ZMYM2: variants seen among roughly 807,000 people sequenced by gnomAD.
ZMYM2 encodes zinc finger MYM-type protein 2.
Under a neutral mutation model 162.8 loss-of-function variants are expected in ZMYM2, and 56 were observed. That is an observed-to-expected ratio of 0.34 (90% CI 0.28 to 0.43). The LOEUF (loss-of-function observed/expected upper bound fraction) is 0.43, where lower values mean the gene tolerates loss of function less well. Among genes scored for constraint, ZMYM2 ranks in the 20% least tolerant of loss-of-function variants. The pLI, the probability that ZMYM2 is intolerant of heterozygous loss-of-function variation, is 1.00. For synonymous variants in ZMYM2, 510 were observed against 541.6 expected (o/e 0.94, Z 0.81); for missense variants, 1,275 against 1,621.8 (o/e 0.79, Z 3.67).
chr13:20,061,783 T>A (rs1956254346), intron 17 of ZMYM2, among the ~76,000 whole-genome samples: 1 of 152,114 alleles, frequency 6.6e-6, no homozygotes, highest in Non-Finnish European at 1.5e-5. Flanking sequence ...GAGACAGGGC[T>A]TCCCTATGTT....
At chr13:20,035,265 T>G (rs1382443711) in intron 11 of ZMYM2, among the ~76,000 whole-genome samples, 1 of 152,226 alleles carries the variant, frequency 6.6e-6, no homozygotes, top group Non-Finnish European at 1.5e-5. Context: ...TAAAAAGATT[T>G]ATCAGTTCGT....
At chr13:19,960,216 C>T (rs1955046464) in intron 2 of ZMYM2, among the ~76,000 whole-genome samples, 190 bp downstream of exon 2, 1 of 152,200 alleles carries the variant, frequency 6.6e-6, no homozygotes, top group Admixed American at 6.5e-5. Flanking sequence ...GTTTCCACCG[C>T]TGCAGACATC....
chr13:19,962,812 C>T (rs1194430668), intron 2 of ZMYM2, among the ~76,000 whole-genome samples: 1 of 145,252 alleles, frequency 6.9e-6, no homozygotes, highest in African/African-American at 2.5e-5. Flanking sequence ...GCGTAAGCCA[C>T]CTTGCCCAGC....
At chr13:20,011,603 G>A (rs1179499837) in intron 6 of ZMYM2, among the ~76,000 whole-genome samples, 18 of 145,216 alleles carry the variant, frequency 1.2e-4, no homozygotes, top group Admixed American at 4.8e-4. Flanking sequence ...GAGGGGTGAA[G>A]GAGTCTTGCT....
Position 19,993,694 on chromosome 13 carries a change from C to A in ZMYM2, c.622C>A (p.Arg208=). ...TGGCCAATTAGAAAATACTGACGGG[C>A]GAGATATGAACTTAATGATTACACA... ...NDGQLENTDG[R]DMNLMITHVT... Residue 208 remains arginine (R), a synonymous_variant, in exon 3 of 25, where the codon CGA becomes AGA. Coordinates refer to ENST00000610343, the MANE Select transcript of ZMYM2 (RefSeq NM_197968.4). 1 of 1,613,850 alleles carries A rather than the reference C, an allele frequency of 6.2e-7. No individual in the cohort carries two copies. The highest frequency in any genetic ancestry group is 8.5e-7 in the Non-Finnish European group (1 of 1,179,840).
intron 2 of ZMYM2, among the ~76,000 whole-genome samples, chr13:19,991,154 C>G (rs2139697697): frequency 6.6e-6 from 1 of 151,066 alleles, no homozygotes; most frequent in East Asian, 2.0e-4. Context: ...TGCTCTGTTG[C>G]CCAGGCTGGA....
the ZMYM2 span, among the ~76,000 whole-genome samples, chr13:19,926,569 G>T: frequency 0.017 from 2,642 of 151,776 alleles, 24 homozygotes; most frequent in South Asian, 0.052. Flanking sequence ...TCTCCATGTC[G>T]GCCAGGCTGG....
intron 2 of ZMYM2, among the ~76,000 whole-genome samples, chr13:19,976,842 C>T (rs961296272): frequency 3.9e-5 from 6 of 152,146 alleles, no homozygotes; most frequent in Admixed American, 1.3e-4. Flanking sequence ...TCCGTTTGGT[C>T]GTTCTATCCA....
chr13:19,950,799 CTTA>C, the ZMYM2 span, among the ~76,000 whole-genome samples: 1 of 152,134 alleles, frequency 6.6e-6, no homozygotes, highest in African/African-American at 2.4e-5. Context: ...GTCCTTTCAG[CTTA>C]TTATTTTATA....
intron 3 of ZMYM2, among the ~76,000 whole-genome samples, chr13:19,994,207 A>C (rs990350556): frequency 3.3e-5 from 5 of 152,224 alleles, no homozygotes; most frequent in African/African-American, 1.2e-4. Context: ...TTGGCCGGGC[A>C]CGGCGGCTCA....
At chr13:19,888,846 G>T in the ZMYM2 span, among the ~76,000 whole-genome samples, 2 of 151,734 alleles carry the variant, frequency 1.3e-5, no homozygotes, top group Admixed American at 6.6e-5. Flanking sequence ...TGATCCACCC[G>T]CCACGGCCTC....
At chr13:19,959,628 A>C (rs1954955375) in intron 1 of ZMYM2, among the ~76,000 whole-genome samples, 1 of 152,192 alleles carries the variant, frequency 6.6e-6, no homozygotes. Flanking sequence ...TGGGTGGGCA[A>C]ATTTAGGAGG....
intron 2 of ZMYM2, among the ~76,000 whole-genome samples, chr13:19,985,360 G>A (rs897307990): frequency 6.6e-6 from 1 of 152,142 alleles, no homozygotes; most frequent in African/African-American, 2.4e-5. Context: ...CTAGACACAA[G>A]TGATCTGCCT....
the ZMYM2 span, among the ~76,000 whole-genome samples, chr13:19,897,435 T>C: frequency 6.6e-6 from 1 of 151,708 alleles, no homozygotes; most frequent in Non-Finnish European, 1.5e-5. Flanking sequence ...AGGATAAACG[T>C]GAAAGCATGT....
intron 3 of ZMYM2, among the ~76,000 whole-genome samples, chr13:19,995,884 G>C (rs756490705): frequency 2.0e-5 from 3 of 152,124 alleles, no homozygotes; most frequent in Admixed American, 2.0e-4. Context: ...CCAGCTACTT[G>C]GGGGGCTGAG....
intron 12 of ZMYM2, among the ~76,000 whole-genome samples, chr13:20,043,254 C>G (rs898976930): frequency 9.9e-5 from 15 of 152,180 alleles, no homozygotes; most frequent in African/African-American, 3.1e-4. Context: ...TTTGGGGCCG[C>G]TGATCACTAC....
chr13:19,908,107 G>A, the ZMYM2 span, among the ~76,000 whole-genome samples: 3 of 150,612 alleles, frequency 2.0e-5, no homozygotes, highest in South Asian at 4.2e-4. Context: ...GGGCAACATG[G>A]CAAAACCCTG....
At chr13:19,914,367 C>A in the ZMYM2 span, among the ~76,000 whole-genome samples, 1 of 152,198 alleles carries the variant, frequency 6.6e-6, no homozygotes, top group Admixed American at 6.5e-5. Context: ...GGCTCATGAA[C>A]TTAGTGGTCA....
the ZMYM2 span, among the ~76,000 whole-genome samples, chr13:19,901,608 C>T: frequency 6.6e-6 from 1 of 152,018 alleles, no homozygotes; most frequent in South Asian, 2.1e-4. Context: ...CTCAGCCTCC[C>T]GAGTAGCGGG....
Sources: allele counts gnomAD v4.1 joint callset (sites outside exome capture counted in the v4.1 genomes callset), GRCh38; gene constraint gnomAD v4.1.1; transcripts MANE v1.5; gene names NCBI Gene and HGNC (gene_info 2026-07-23, HGNC 2026-07-21).